Variants in VSIR observed in about 807,000 individuals in gnomAD.
VSIR encodes the protein V-type immunoglobulin domain-containing suppressor of T-cell activation.
VSIR carries 10 observed loss-of-function variants against 31.0 expected under a neutral mutation model. The observed-to-expected ratio is 0.32, with a 90% CI of 0.20 to 0.55. The LOEUF is 0.55. Among genes scored for constraint, VSIR ranks in the 20% least tolerant of loss-of-function variants. VSIR has a pLI of 0.93. For missense variants in VSIR, 356 were observed against 416.2 expected (o/e 0.86, Z 1.26); for synonymous variants, 179 against 180.1 (o/e 0.99, Z 0.05).
At chr10:71,765,912 G>A (rs1453511554) in intron 1 of VSIR, among the ~76,000 whole-genome samples, 1 of 152,182 alleles carries the variant, frequency 6.6e-6, no homozygotes, top group Non-Finnish European at 1.5e-5. Context: ...ACAGGGGTTT[G>A]TCCTGGGGAG....
intron 1 of VSIR, 106 bp downstream of exon 1, chr10:71,773,252 C>A: frequency 7.6e-7 from 1 of 1,309,838 alleles, no homozygotes; most frequent in Admixed American, 2.2e-5. Flanking sequence ...GGTGCACGGT[C>A]ACACAGGCTG....
chr10:71,760,838 C>T (rs377371485), intron 3 of VSIR, 30 bp downstream of exon 3: 1 of 1,603,214 alleles, frequency 6.2e-7, no homozygotes, highest in Non-Finnish European at 8.5e-7. Context: ...AAACAGAGAA[C>T]CCAAAAGGGG....
At chr10:71,760,026 TACACACACACAC>T (rs754921916) in intron 3 of VSIR, among the ~76,000 whole-genome samples, 1,311 of 66,808 alleles carry the variant, frequency 0.02, 254 homozygotes, top group Non-Finnish European at 0.033. Context: ...CACACATATA[TACACACACACAC>T]ATATATACAC....
chr10:71,762,329 A>G (rs1390858810), intron 1 of VSIR, among the ~76,000 whole-genome samples: 2 of 152,234 alleles, frequency 1.3e-5, no homozygotes, highest in Non-Finnish European at 2.9e-5. Context: ...AGTATATGCA[A>G]AACCTGTTGG....
intron 3 of VSIR, among the ~76,000 whole-genome samples, chr10:71,759,745 G>A (rs1222929772): frequency 6.6e-6 from 1 of 151,348 alleles, no homozygotes; most frequent in African/African-American, 2.4e-5. Flanking sequence ...CCGGGAGGCG[G>A]AGGTTGCAGT....
chr10:71,751,350 C>T lies in VSIR; in HGVS notation c.899-60G>A, dbSNP rs1589396103. On this transcript the variant is annotated intron_variant, in intron 6 of 6. Transcript: ENST00000394957. This position sits in a 1 kb window ranked among gnomAD's most constrained non-coding sequence, Gnocchi z 4.9. Reference sequence around the variant, plus strand: ...CCTCTGCCCCTCACCCTCAACCCCACCCCGTGAGGCCGTGGAACTCTTCAG... The same window carrying T: ...CCTCTGCCCCTCACCCTCAACCCCATCCCGTGAGGCCGTGGAACTCTTCAG... 1.3e-6 allele frequency: 2 copies of T among 1,531,400 alleles called. No individual in the cohort carries two copies. Among genetic ancestry groups the T allele is most frequent in the Non-Finnish European group, 1.8e-6 (2 of 1,126,888 alleles). 94.9% of individuals were successfully genotyped at this position (1,531,400 alleles called of 1,614,324 possible).
chr10:71,772,423 G>T (rs1049209256), intron 1 of VSIR, among the ~76,000 whole-genome samples: 4 of 152,194 alleles, frequency 2.6e-5, no homozygotes, highest in African/African-American at 7.2e-5. Flanking sequence ...TGGTTCCACA[G>T]GCTCTTTGAA....
Position 71,759,844 on chromosome 10 carries a change from CACATAT to C in VSIR, c.568+1018_568+1023del, listed in dbSNP as rs372640771. 3.4e-3 allele frequency among the ~76,000 whole-genome samples: 86 copies of C among 24,952 alleles called. 3 individuals carry two copies. The highest frequency in any genetic ancestry group is 7.6e-3 in the South Asian group (5 of 660). The allele number at this position is 24,952 out of a possible 152,430, so 16.4% of individuals were successfully genotyped here. ...ATACACACACACACACACACACACA[CACATAT>C]ACACACACACACACATATATATACA... On this transcript the variant is annotated intron_variant, in intron 3 of 6. Coordinates refer to ENST00000394957, the MANE Select transcript of VSIR (RefSeq NM_022153.2).
rs1840273148 is a variant in VSIR at position 71,759,916 on chromosome 10, T to TAC, written c.568+951_568+952insGT. Among the ~76,000 whole-genome samples the TAC allele has an allele frequency of 6.3e-5, 2 of 31,808 alleles. 1 individual carries two copies. The highest frequency in any genetic ancestry group is 1.8e-4 in the Non-Finnish European group (2 of 11,256). 20.9% of individuals were successfully genotyped at this position (31,808 alleles called of 152,430 possible). ...ACACACACATATATACACACACACATATATACACACACACATATATACACA... is the reference window on the plus strand; with the variant it reads ...ACACACACATATATACACACACACATACATATACACACACACATATATACACA... On this transcript the variant is annotated intron_variant, in intron 3 of 6. Transcript: ENST00000394957.
At chr10:71,768,418 G>T (rs144487838) in intron 1 of VSIR, among the ~76,000 whole-genome samples, 1 of 152,044 alleles carries the variant, frequency 6.6e-6, no homozygotes. Flanking sequence ...TGATCCACCC[G>T]CCTCGTCCTC....
In VSIR at chr10:71,751,279, C is replaced by T. The variant is rs2132863679; in HGVS notation, c.910G>A (p.Asp304Asn). 1.2e-6 allele frequency: 2 copies of T among 1,610,206 alleles called. No homozygotes were observed. Residue 304 changes from aspartate to asparagine, a missense_variant, in exon 7 of 7, where the codon GAC becomes AAC. This residue lies in a region of VSIR where 190 missense variants were observed against 185.2 expected (regional missense o/e 1.03). Coordinates refer to ENST00000394957, the MANE Select transcript of VSIR (RefSeq NM_022153.2). This position sits in a 1 kb window ranked among gnomAD's most constrained non-coding sequence, Gnocchi z 4.9. ...VFFPSLDPVP[D>N]SPNFEVI is the part of the protein sequence containing the mutation. The stretch of plus-strand genomic sequence containing the variant: ...TAGATGACCTCAAAGTTTGGAGAGT[C>T]AGGGACAGGGTCTGCAAGAAAAGGA...
intron 1 of VSIR, among the ~76,000 whole-genome samples, chr10:71,768,859 T>C (rs1840621288): frequency 6.6e-6 from 1 of 152,220 alleles, no homozygotes; most frequent in African/African-American, 2.4e-5. Flanking sequence ...ATCTCCATTT[T>C]ACAGATGAGA....
chr10:71,750,983 A>G lies in VSIR; in HGVS notation c.*270T>C. 1 of 445,386 alleles carries G rather than the reference A, an allele frequency of 2.2e-6. No individual in the cohort carries two copies. Among genetic ancestry groups the G allele is most frequent in the South Asian group, 4.2e-5 (1 of 23,680 alleles). 27.6% of individuals were successfully genotyped at this position (445,386 alleles called of 1,614,324 possible). ...TCTGAGACTTCTTAAGATGTAAGTC[A>G]TTTGGCATCTGTAGCTGGTGAATTT... On this transcript the variant is annotated 3_prime_UTR_variant, in exon 7 of 7. Coordinates refer to ENST00000394957, the MANE Select transcript of VSIR (RefSeq NM_022153.2).
chr10:71,769,172 A>G (rs1444552281), intron 1 of VSIR, among the ~76,000 whole-genome samples: 5 of 152,240 alleles, frequency 3.3e-5, no homozygotes, highest in Admixed American at 1.3e-4. Flanking sequence ...CAATTATTTC[A>G]GTCCTGATTA....
rs1281539040 is a variant in VSIR, at chr10:71,748,504, T to G, written c.*2749A>C. On this transcript the variant is annotated 3_prime_UTR_variant, in exon 7 of 7. Coordinates refer to ENST00000394957, the MANE Select transcript of VSIR (RefSeq NM_022153.2). ...CAATTCCATTCCTTCAGCCTCTCCCTGGGAGGGAATAAAGGCAGGAAGTCT... is the reference window on the plus strand; with the variant it reads ...CAATTCCATTCCTTCAGCCTCTCCCGGGGAGGGAATAAAGGCAGGAAGTCT... The G allele has an allele frequency of 6.6e-6, 1 of 152,266 alleles. No homozygotes were observed. Among genetic ancestry groups the G allele is most frequent in the Non-Finnish European group, 1.5e-5 (1 of 68,060 alleles). The allele number at this position is 152,266 out of a possible 1,614,324, so 9.4% of individuals were successfully genotyped here.
intron 1 of VSIR, among the ~76,000 whole-genome samples, chr10:71,771,254 CCT>C (rs1458308704): frequency 2.0e-5 from 3 of 152,288 alleles, no homozygotes; most frequent in East Asian, 3.9e-4. Flanking sequence ...CCCATCTCAC[CCT>C]GAGTCAGGCC....
intron 3 of VSIR, among the ~76,000 whole-genome samples, chr10:71,758,471 C>A (rs558816335): frequency 2.0e-5 from 3 of 152,206 alleles, no homozygotes; most frequent in Non-Finnish European, 4.4e-5. Flanking sequence ...CTCACCCAAC[C>A]TCTCAGCGCC....
At chr10:71,767,126 T>C (rs1413976778) in intron 1 of VSIR, among the ~76,000 whole-genome samples, 1 of 152,230 alleles carries the variant, frequency 6.6e-6, no homozygotes, top group Admixed American at 6.5e-5. Context: ...CCCTCAGATG[T>C]TTCTGTCCCA....
intron 1 of VSIR, among the ~76,000 whole-genome samples, chr10:71,766,343 A>G (rs553003513): frequency 6.0e-4 from 91 of 152,208 alleles, no homozygotes; most frequent in East Asian, 3.7e-3. Context: ...TGCTGCTGTC[A>G]AGACCCAGGC....
Sources: allele counts gnomAD v4.1 joint callset (sites outside exome capture counted in the v4.1 genomes callset), GRCh38; gene constraint gnomAD v4.1.1; regional missense constraint gnomAD v4.1.1; non-coding constraint Gnocchi (gnomAD v3.1); transcripts MANE v1.5; gene names NCBI Gene and HGNC (gene_info 2026-07-23, HGNC 2026-07-21).